Variants in SLC2A9 observed in about 807,000 individuals in gnomAD.
SLC2A9 encodes the protein solute carrier family 2, facilitated glucose transporter member 9.
Under a neutral mutation model 50.6 loss-of-function variants are expected in SLC2A9, and 39 were observed. The observed-to-expected ratio is 0.77, with a 90% CI of 0.60 to 1.01. The LOEUF (loss-of-function observed/expected upper bound fraction) is 1.01. Among genes scored for constraint, SLC2A9 ranks in the 50% least tolerant of loss-of-function variants. The probability of loss-of-function intolerance (pLI) is 0.00; values close to 1 mark genes in which losing one functional copy is unlikely to be tolerated. For missense variants in SLC2A9, 686 were observed against 677.6 expected, an observed-to-expected ratio of 1.01 and a Z score of -0.14; for synonymous variants, 324 against 276.9, an observed-to-expected ratio of 1.17 and a Z score of -1.69.
upstream of SLC2A9, chr4:10,026,027 G>T: frequency 6.4e-7 from 1 of 1,563,338 alleles, no homozygotes; most frequent in Non-Finnish European, 8.8e-7. Context: ...GAAAAAGAAA[G>T]AAGCCATTAG....
chr4:9,940,066 C>T (rs138273602), intron 6 of SLC2A9, among the ~76,000 whole-genome samples: 5 of 152,326 alleles, frequency 3.3e-5, no homozygotes, highest in African/African-American at 9.6e-5. Flanking sequence ...TTGACATGCA[C>T]TATTCATTCC....
chr4:9,980,829 C>A lies in SLC2A9; in HGVS notation c.536-92G>T, dbSNP rs1755618011. 4 of 1,558,710 alleles carry A rather than the reference C, an allele frequency of 2.6e-6. No homozygotes were observed. In the Admixed American group the frequency reaches 5.1e-5, roughly 20 times the overall value. On this transcript the variant is annotated intron_variant, in intron 4 of 11. Transcript: ENST00000264784. The stretch of plus-strand genomic sequence containing the variant: ...ATGCCTCTCTTGGCTCTGCTTTGCC[C>A]TGGACATTAAATAGCACTGTAGCCA...
Position 9,857,139 on chromosome 4 carries a change from G to A in SLC2A9, c.1292-22131C>T, listed in dbSNP as rs560325301. On this transcript the variant is annotated intron_variant, in intron 10 of 11. Transcript: ENST00000264784. ...AAAAAGAAAAAAGCGTTCTCTGTAT[G>A]GGTGCTGGAGTTATAAGGCTGCCTG... is the stretch of plus-strand genomic sequence containing the variant. Among the ~76,000 whole-genome samples the A allele has an allele frequency of 2.6e-5, 4 of 152,288 alleles. No individual in the cohort carries two copies. In the East Asian group the frequency reaches 5.8e-4, roughly 22 times the overall value.
intron 5 of SLC2A9, among the ~76,000 whole-genome samples, chr4:9,968,778 C>T (rs1337744098): frequency 6.6e-6 from 1 of 152,162 alleles, no homozygotes; most frequent in Non-Finnish European, 1.5e-5. Context: ...TTTTTAGTAA[C>T]TGGCCTAAGA....
intron 10 of SLC2A9, among the ~76,000 whole-genome samples, chr4:9,837,150 C>T (rs747747384): frequency 6.6e-6 from 1 of 152,198 alleles, no homozygotes; most frequent in East Asian, 1.9e-4. Context: ...ATTTGTCTGG[C>T]ATTTCCCACA....
At chr4:9,794,603 C>T (rs1193928397), downstream of SLC2A9, among the ~76,000 whole-genome samples, 1 of 152,184 alleles carries the variant, frequency 6.6e-6, no homozygotes, top group Non-Finnish European at 1.5e-5. Context: ...GCTTGTCTGG[C>T]TAGGCACTGT....
At position 9,904,331 on chromosome 4, in the gene SLC2A9, C is replaced by T. The variant is rs139678947; in HGVS notation, c.1113+3904G>A. ...CTTGCCTGCTGCAGCTTCTAGAGAA[C>T]ATCTGCATTCCTGGGCGTGTGACCC... On this transcript the variant is annotated intron_variant, in intron 8 of 11. Transcript: ENST00000264784. Among the ~76,000 whole-genome samples, 796 of 152,320 alleles carry T rather than the reference C, an allele frequency of 5.2e-3. 7 individuals are homozygous for T. Among genetic ancestry groups the T allele is most frequent in the African/African-American group, 0.018 (744 of 41,564 alleles).
At chr4:9,926,865 C>T (rs983551469) in intron 6 of SLC2A9, among the ~76,000 whole-genome samples, 1 of 152,020 alleles carries the variant, frequency 6.6e-6, no homozygotes, top group African/African-American at 2.4e-5. Context: ...GGAAGGCAAG[C>T]TTGTGTTCAC....
chr4:9,980,175 A>C (rs1298839727), intron 5 of SLC2A9, among the ~76,000 whole-genome samples: 1 of 152,226 alleles, frequency 6.6e-6, no homozygotes, highest in Non-Finnish European at 1.5e-5. Context: ...GAGACTAAAG[A>C]ATGAGGTAGA....
intron 2 of SLC2A9, among the ~76,000 whole-genome samples, chr4:10,015,683 G>A (rs1762501267): frequency 2.0e-5 from 3 of 152,176 alleles, no homozygotes; most frequent in Admixed American, 6.5e-5. Context: ...TACAGGCAGT[G>A]AGAAAGAGGC....
chr4:9,967,064 A>C (rs930417996), intron 5 of SLC2A9, among the ~76,000 whole-genome samples: 1 of 152,240 alleles, frequency 6.6e-6, no homozygotes, highest in African/African-American at 2.4e-5. Flanking sequence ...TGGGAACTTT[A>C]GAACTCTTTC....
chr4:9,928,478 TC>T (rs1354933872), intron 6 of SLC2A9, among the ~76,000 whole-genome samples: 1 of 152,242 alleles, frequency 6.6e-6, no homozygotes. Flanking sequence ...TCGCCTGTAA[TC>T]CCAGCACTTT....
intron 3 of SLC2A9, chr4:9,995,804 G>A (rs902857846): frequency 7.2e-5 from 11 of 152,190 alleles, no homozygotes; most frequent in African/African-American, 2.4e-4. Context: ...AGAAAATTGA[G>A]GCTCAAATAA....
At chr4:10,033,273 C>CT (rs1470336285) in intron 1 of SLC2A9, among the ~76,000 whole-genome samples, 1 of 152,190 alleles carries the variant, frequency 6.6e-6, no homozygotes, top group African/African-American at 2.4e-5. Context: ...CCCCCACTGT[C>CT]TATCAGCCCG....
chr4:9,801,817 G>T (rs1721446409), intron 3 of SLC2A9, among the ~76,000 whole-genome samples: 1 of 152,322 alleles, frequency 6.6e-6, no homozygotes, highest in Non-Finnish European at 1.5e-5. Context: ...GAAACAAGGG[G>T]GTTACAGGAT....
chr4:9,941,466 A>G (rs112875509), intron 6 of SLC2A9, among the ~76,000 whole-genome samples: 5 of 152,182 alleles, frequency 3.3e-5, no homozygotes, highest in Non-Finnish European at 7.4e-5. Flanking sequence ...TCTGGTGTTC[A>G]CTCTGTGCTT....
chr4:9,836,114 T>TAAAAGAATG (rs1168966507), intron 10 of SLC2A9, among the ~76,000 whole-genome samples: 1 of 88,892 alleles, frequency 1.1e-5, no homozygotes, highest in Non-Finnish European at 2.2e-5. Context: ...AAAAAAAAGA[T>TAAAAGAATG]AAAAGAATGA....
chr4:9,791,131 C>A (rs1235410038), intron 3 of SLC2A9, among the ~76,000 whole-genome samples: 1 of 151,608 alleles, frequency 6.6e-6, no homozygotes, highest in South Asian at 2.1e-4. Context: ...GTGGGCCAAG[C>A]TGTATGTAAT....
intron 10 of SLC2A9, among the ~76,000 whole-genome samples, chr4:9,884,353 C>A (rs190691922): frequency 4.6e-5 from 7 of 152,154 alleles, no homozygotes; most frequent in Middle Eastern, 3.4e-3. Context: ...TCATTGTAAC[C>A]TAAAAATTCT....
Sources: allele counts gnomAD v4.1 joint callset (sites outside exome capture counted in the v4.1 genomes callset), GRCh38; gene constraint gnomAD v4.1.1; transcripts MANE v1.5; gene names NCBI Gene and HGNC (gene_info 2026-07-23, HGNC 2026-07-21).